The following PRDM10 variants were observed in gnomAD, a reference collection of about 807,000 sequenced individuals.
PRDM10 encodes PR/SET domain 10, also known as PR domain zinc finger protein 10.
Under a neutral mutation model 133.1 loss-of-function variants are expected in PRDM10, and 65 were observed. The observed-to-expected ratio is 0.49, with a 90% confidence interval of 0.40 to 0.60. The LOEUF (loss-of-function observed/expected upper bound fraction) is 0.60, where lower values mean the gene tolerates loss of function less well. Among genes scored for constraint, PRDM10 ranks in the 20% least tolerant of loss-of-function variants. The probability of loss-of-function intolerance (pLI) is 0.00; values close to 1 mark genes in which losing one functional copy is unlikely to be tolerated. For missense variants in PRDM10, 1,137 were observed against 1,507.1 expected, an observed-to-expected ratio of 0.75 and a Z score of 4.07; for synonymous variants, 582 against 580.4, an observed-to-expected ratio of 1.00 and a Z score of -0.04.
intron 17 of PRDM10, among the ~76,000 whole-genome samples, chr11:129,912,991 C>CA (rs1224055752): frequency 6.6e-6 from 1 of 151,354 alleles, no homozygotes; most frequent in Admixed American, 6.6e-5. Context: ...ACCTGGGAGG[C>CA]AGAGGTTGCA....
At chr11:129,937,761 T>C in intron 7 of PRDM10, 91 bp from the exon 8 acceptor site, 1 of 1,180,220 alleles carries the variant, frequency 8.5e-7, no homozygotes, top group Admixed American at 2.2e-5. Flanking sequence ...CAGGAAACAA[T>C]TCAGGCTTTT....
At chr11:129,935,431 C>T (rs1162125633) in intron 8 of PRDM10, among the ~76,000 whole-genome samples, 1 of 152,118 alleles carries the variant, frequency 6.6e-6, no homozygotes, top group Non-Finnish European at 1.5e-5. Context: ...TGCATCCATA[C>T]AAGACATCAA....
At chr11:129,908,561 C>G (rs1432354261) in intron 19 of PRDM10, among the ~76,000 whole-genome samples, 1 of 152,148 alleles carries the variant, frequency 6.6e-6, no homozygotes, top group East Asian at 1.9e-4. Context: ...GATGGGAGAT[C>G]ATGATGGGAG....
At chr11:129,988,699 G>A (rs1000857457) in intron 1 of PRDM10, among the ~76,000 whole-genome samples, 11 of 151,542 alleles carry the variant, frequency 7.3e-5, no homozygotes, top group Admixed American at 2.6e-4. Context: ...GTGCAATCTC[G>A]GCTCACTGCA....
chr11:129,952,948 A>G (rs2135903870), intron 4 of PRDM10, among the ~76,000 whole-genome samples: 1 of 151,980 alleles, frequency 6.6e-6, no homozygotes, highest in South Asian at 2.1e-4. Flanking sequence ...TTTAGATTGC[A>G]TATCTTATAC....
intron 1 of PRDM10, among the ~76,000 whole-genome samples, chr11:129,996,253 C>T (rs1455174118): frequency 1.3e-5 from 2 of 152,188 alleles, no homozygotes; most frequent in African/African-American, 4.8e-5. Context: ...AAAAGGATTA[C>T]TTTCAAATGA....
chr11:129,931,377 C>A, intron 10 of PRDM10, 119 bp from the exon 11 acceptor site: 1 of 1,364,322 alleles, frequency 7.3e-7, no homozygotes, highest in East Asian at 2.4e-5. Context: ...AATATTCTCC[C>A]TCTGGGAAAG....
intron 1 of PRDM10, among the ~76,000 whole-genome samples, chr11:129,985,585 C>T (rs939840104): frequency 6.6e-6 from 1 of 151,470 alleles, no homozygotes; most frequent in Admixed American, 6.6e-5. Context: ...TGAGCTCAGG[C>T]GTTTGAGACC....
intron 1 of PRDM10, among the ~76,000 whole-genome samples, chr11:129,999,659 A>C (rs1939239094): frequency 6.6e-6 from 1 of 152,242 alleles, no homozygotes; most frequent in East Asian, 1.9e-4. Context: ...CCAGTGCTTA[A>C]AATGAAAAAT....
intron 19 of PRDM10, among the ~76,000 whole-genome samples, chr11:129,906,545 C>T (rs1950021879): frequency 6.6e-6 from 1 of 152,186 alleles, no homozygotes; most frequent in African/African-American, 2.4e-5. Context: ...TTTGTGAAAA[C>T]TGGTAAACAA....
rs777619873 is a variant in PRDM10, at chr11:129,944,836, A to C, written c.697T>G (p.Phe233Val). ...SKRRIPKRTQ[F>V]GPVEGPLVRG... Reference sequence around the variant, plus strand: ...ACGAGAGGCCCCTCCACGGGGCCAAACTGGGTGCGCTTGGGGATGCGCCGC... The same window carrying C: ...ACGAGAGGCCCCTCCACGGGGCCAACCTGGGTGCGCTTGGGGATGCGCCGC... Residue 233 changes from phenylalanine to valine, a missense_variant, in exon 6 of 21, where the codon TTT becomes GTT. Coordinates refer to ENST00000360871, the MANE Select transcript of PRDM10 (RefSeq NM_199437.2). 1 of 1,614,114 alleles carries C rather than the reference A, an allele frequency of 6.2e-7. No homozygotes were observed. The highest frequency in any genetic ancestry group is 1.7e-5 in the Admixed American group (1 of 60,012).
At position 129,932,148 on chromosome 11, in the gene PRDM10, AG is replaced by A; in HGVS notation, c.1240del (p.Leu414TrpfsTer35). On this transcript the variant is annotated frameshift_variant, in exon 10 of 21. Transcript: ENST00000360871. LOFTEE classifies it high-confidence loss of function. ...TTCCCCATTTTCGCTGGTGATTTCC[AG>A]GCGGATAAATTTTGGAGGACGCCCC... ...RPGRPPKFIR[L>X]EITSENGEKS... 6.2e-7 allele frequency: 1 copy of A among 1,614,028 alleles called. No individual in the cohort carries two copies. The highest frequency in any genetic ancestry group is 8.5e-7 in the Non-Finnish European group (1 of 1,179,980).
intron 1 of PRDM10, among the ~76,000 whole-genome samples, chr11:129,991,627 T>C (rs1248893696): frequency 1.3e-5 from 2 of 152,194 alleles, no homozygotes; most frequent in Admixed American, 1.3e-4. Context: ...GAGACCATCC[T>C]GGCCAACATG....
chr11:129,995,715 G>A (rs867863880), intron 1 of PRDM10, among the ~76,000 whole-genome samples: 3 of 152,118 alleles, frequency 2.0e-5, no homozygotes, highest in Non-Finnish European at 2.9e-5. Flanking sequence ...GGAGGCCGAG[G>A]CAGGCCGATC....
intron 8 of PRDM10, 32 bp from the exon 9 acceptor site, chr11:129,935,250 G>A: frequency 6.5e-7 from 1 of 1,535,506 alleles, no homozygotes; most frequent in Non-Finnish European, 9.0e-7. Flanking sequence ...CATAAAGGCT[G>A]ATGACCAATA....
chr11:129,954,628 C>T (rs570814539), intron 4 of PRDM10, among the ~76,000 whole-genome samples: 1 of 152,014 alleles, frequency 6.6e-6, no homozygotes, highest in South Asian at 2.1e-4. Flanking sequence ...GTAATATAGA[C>T]AAATTACAGT....
chr11:129,998,562 T>C (rs1939181042), intron 1 of PRDM10, among the ~76,000 whole-genome samples: 1 of 152,218 alleles, frequency 6.6e-6, no homozygotes, highest in African/African-American at 2.4e-5. Context: ...TTTCACCACA[T>C]TTTAACTAGT....
At chr11:129,930,984 G>A (rs752687875) in intron 11 of PRDM10, 32 bp downstream of exon 11, 1 of 1,568,916 alleles carries the variant, frequency 6.4e-7, no homozygotes, top group Non-Finnish European at 8.6e-7. Flanking sequence ...ATGAGCGGCT[G>A]GTGCCAGGAG....
At position 129,923,207 on chromosome 11, in the gene PRDM10, T is replaced by C; in HGVS notation, c.2034+41A>G. On this transcript the variant is annotated intron_variant, in intron 13 of 20. Transcript: ENST00000360871. The surrounding 1 kb of genome is among the most constrained non-coding windows in gnomAD (Gnocchi z 4.4). ...TACCCTCAGCTTGCTATAATTCCAG[T>C]GGCCACGAGAACCACCTTGGGCTGT... The C allele has an allele frequency of 6.6e-7, 1 of 1,518,234 alleles. No homozygotes were observed. The highest frequency in any genetic ancestry group is 8.9e-7 in the Non-Finnish European group (1 of 1,129,572). 94.0% of individuals were successfully genotyped at this position (1,518,234 alleles called of 1,614,324 possible).
Sources: gnomAD v4.1 joint callset for allele counts (sites outside exome capture counted in the v4.1 genomes callset) on GRCh38, gnomAD v4.1.1 for gene constraint, Gnocchi (gnomAD v3.1) non-coding constraint, MANE v1.5 for transcripts, NCBI Gene and HGNC (gene_info 2026-07-23, HGNC 2026-07-21) for gene names.